The following PDE4B variants were observed in gnomAD, a reference collection of about 807,000 sequenced individuals.
PDE4B encodes phosphodiesterase 4B, also known as 3',5'-cyclic-AMP phosphodiesterase 4B.
Under a neutral mutation model 82.2 loss-of-function variants are expected in PDE4B, and 20 were observed. The ratio of observed to expected loss-of-function variants is 0.24; its 90% CI spans 0.17 to 0.35. The LOEUF (loss-of-function observed/expected upper bound fraction) is 0.35. Ranked by LOEUF, PDE4B falls within the 10% of genes least tolerant of loss-of-function variation. The pLI, the probability that PDE4B is intolerant of heterozygous loss-of-function variation, is 1.00. For synonymous variants in PDE4B, 320 were observed against 318.9 expected, an observed-to-expected ratio of 1.00 and a Z score of -0.04; for missense variants, 655 against 907.2, an observed-to-expected ratio of 0.72 and a Z score of 3.57.
At chr1:66,288,097 A>G (rs1656812121) in intron 7 of PDE4B, among the ~76,000 whole-genome samples, 1 of 152,138 alleles carries the variant, frequency 6.6e-6, no homozygotes, top group Admixed American at 6.6e-5. Flanking sequence ...GATGGCCTAC[A>G]GGAAGCATAA....
intron 3 of PDE4B, among the ~76,000 whole-genome samples, chr1:66,009,720 G>C (rs1464306378): frequency 6.6e-6 from 1 of 151,990 alleles, no homozygotes; most frequent in East Asian, 1.9e-4. Flanking sequence ...ATTTCAGGTG[G>C]TGTCTTGAAT....
At chr1:66,072,008 C>T (rs1557540613) in intron 3 of PDE4B, among the ~76,000 whole-genome samples, 1 of 152,044 alleles carries the variant, frequency 6.6e-6, no homozygotes, top group Non-Finnish European at 1.5e-5. Flanking sequence ...CTCTTCACAG[C>T]ACCAGTACAT....
At chr1:66,266,264 C>T in intron 7 of PDE4B, 177 bp downstream of exon 7, 1 of 629,258 alleles carries the variant, frequency 1.6e-6, no homozygotes, top group Non-Finnish European at 2.9e-6. Flanking sequence ...CTATTAAAAC[C>T]ACATTAAAAG....
At chr1:65,817,048 A>G (rs952411651) in intron 1 of PDE4B, among the ~76,000 whole-genome samples, 2 of 152,162 alleles carry the variant, frequency 1.3e-5, no homozygotes, top group Non-Finnish European at 2.9e-5. Context: ...AATGTTTGTG[A>G]GGAGTGGGCC....
At chr1:66,053,717 G>C (rs1055882132) in intron 3 of PDE4B, among the ~76,000 whole-genome samples, 1 of 152,130 alleles carries the variant, frequency 6.6e-6, no homozygotes. Flanking sequence ...AAATTGGCCG[G>C]GGGTGGTGGC....
intron 3 of PDE4B, among the ~76,000 whole-genome samples, chr1:66,191,947 A>G (rs1647846202): frequency 1.3e-5 from 2 of 152,158 alleles, no homozygotes; most frequent in Non-Finnish European, 2.9e-5. Context: ...GATTTCAATT[A>G]TCTCCCACGG....
At chr1:66,078,201 CT>C (rs1036654450) in intron 3 of PDE4B, among the ~76,000 whole-genome samples, 117 of 139,772 alleles carry the variant, frequency 8.4e-4, no homozygotes, top group Middle Eastern at 3.6e-3. Context: ...TTCTTTCTTT[CT>C]TTTTTTTTTT....
At chr1:65,861,713 T>C (rs1192466644) in intron 1 of PDE4B, among the ~76,000 whole-genome samples, 1 of 152,212 alleles carries the variant, frequency 6.6e-6, no homozygotes, top group African/African-American at 2.4e-5. Context: ...TTGTGTCCTC[T>C]TTTGTTTCCT....
intron 7 of PDE4B, among the ~76,000 whole-genome samples, chr1:66,295,615 G>A (rs1447114406): frequency 6.6e-6 from 1 of 152,106 alleles, no homozygotes; most frequent in Non-Finnish European, 1.5e-5. Flanking sequence ...TTTCAGTAGA[G>A]ACAGGGTTTC....
chr1:65,842,185 A>G (rs1452381559), intron 1 of PDE4B, among the ~76,000 whole-genome samples: 3 of 152,174 alleles, frequency 2.0e-5, no homozygotes, highest in Admixed American at 1.3e-4. Flanking sequence ...CATGCCAGGC[A>G]TATTTATTGA....
At chr1:66,175,096 G>A (rs1274546620) in intron 3 of PDE4B, among the ~76,000 whole-genome samples, 1 of 152,112 alleles carries the variant, frequency 6.6e-6, no homozygotes, top group South Asian at 2.1e-4. Flanking sequence ...TTACAATTTG[G>A]ATTACAATTC....
chr1:66,117,594 T>A (rs1383616114), intron 3 of PDE4B, among the ~76,000 whole-genome samples: 1 of 152,148 alleles, frequency 6.6e-6, no homozygotes, highest in Non-Finnish European at 1.5e-5. Context: ...ATTTCTAAAG[T>A]ATTTTTGTAT....
chr1:66,164,988 C>G (rs986066703), intron 3 of PDE4B, among the ~76,000 whole-genome samples: 3 of 152,018 alleles, frequency 2.0e-5, no homozygotes, highest in African/African-American at 7.3e-5. Context: ...GTCTCGATCT[C>G]CTGACCTTGA....
intron 1 of PDE4B, among the ~76,000 whole-genome samples, chr1:65,842,587 A>G (rs1646219803): frequency 6.6e-6 from 1 of 152,170 alleles, no homozygotes; most frequent in South Asian, 2.1e-4. Flanking sequence ...TTTAAGTCCT[A>G]TAATGTTCAT....
At chr1:65,842,293 A>G (rs1165242817) in intron 1 of PDE4B, among the ~76,000 whole-genome samples, 1 of 152,174 alleles carries the variant, frequency 6.6e-6, no homozygotes, top group Non-Finnish European at 1.5e-5. Flanking sequence ...ACAAAAACAA[A>G]TAATTATAGT....
At chr1:65,920,733 A>C (rs1647220673) in intron 3 of PDE4B, among the ~76,000 whole-genome samples, 1 of 152,058 alleles carries the variant, frequency 6.6e-6, no homozygotes, top group African/African-American at 2.4e-5. Context: ...GAAATTAGAA[A>C]CCATGTCTCT....
intron 3 of PDE4B, among the ~76,000 whole-genome samples, chr1:65,981,713 G>T (rs995733561): frequency 6.6e-6 from 1 of 151,972 alleles, no homozygotes. Context: ...TTCAAAGGGG[G>T]TATTATAAGG....
At chr1:66,253,422 C>T (rs1401848141) in intron 4 of PDE4B, among the ~76,000 whole-genome samples, 2 of 152,242 alleles carry the variant, frequency 1.3e-5, no homozygotes, top group Non-Finnish European at 2.9e-5. Flanking sequence ...GACCTACATA[C>T]ACTCAATTCT....
At chr1:66,177,701 TA>T (rs10719022) in intron 3 of PDE4B, among the ~76,000 whole-genome samples, 108,137 of 151,958 alleles carry the variant, frequency 0.71, 38,570 homozygotes, top group East Asian at 0.89. Context: ...AGATAATAAA[TA>T]ATGCAGACTC....
Sources: gnomAD v4.1 joint callset for allele counts (sites outside exome capture counted in the v4.1 genomes callset) on GRCh38, gnomAD v4.1.1 for gene constraint, MANE v1.5 for transcripts, NCBI Gene and HGNC (gene_info 2026-07-23, HGNC 2026-07-21) for gene names.